Variants in BTBD10 observed in about 807,000 individuals in gnomAD.
BTBD10 encodes BTB domain containing 10.
Under a neutral mutation model 53.2 loss-of-function variants are expected in BTBD10, and 21 were observed. The ratio of observed to expected loss-of-function variants is 0.39; its 90% CI spans 0.28 to 0.57. BTBD10 has a LOEUF of 0.57. Among genes scored for constraint, BTBD10 ranks in the 20% least tolerant of loss-of-function variants. The pLI, the probability that BTBD10 is intolerant of heterozygous loss-of-function variation, is 0.53. For missense variants in BTBD10, 360 were observed against 594.7 expected, an observed-to-expected ratio of 0.61 and a Z score of 4.10; for synonymous variants, 149 against 192.7, an observed-to-expected ratio of 0.77 and a Z score of 1.88.
At chr11:13,391,656 T>C (rs1949407495) in intron 8 of BTBD10, among the ~76,000 whole-genome samples, 1 of 152,210 alleles carries the variant, frequency 6.6e-6, no homozygotes, top group Admixed American at 6.5e-5. Context: ...CCAATATCCA[T>C]CTTACTCAAC....
chr11:13,388,730 G>T lies in BTBD10; in HGVS notation c.*101C>A. ...ACTGCAATATCCTAAACATTGTTAT[G>T]TGCATCTCACAATGAAGAAGAGTGG... On this transcript the variant is annotated 3_prime_UTR_variant, in exon 9 of 9. Transcript: ENST00000278174. The T allele has an allele frequency of 8.0e-7, 1 of 1,248,528 alleles. No homozygotes were observed. Among genetic ancestry groups the T allele is most frequent in the Non-Finnish European group, 1.1e-6 (1 of 893,942 alleles). The allele number at this position is 1,248,528 out of a possible 1,614,324, so 77.3% of individuals were successfully genotyped here.
Position 13,413,666 on chromosome 11 carries a change from T to C in BTBD10, c.688-16A>G. 1 of 1,601,512 alleles carries C rather than the reference T, an allele frequency of 6.2e-7. No homozygotes were observed. The highest frequency in any genetic ancestry group is 1.1e-5 in the South Asian group (1 of 88,418). On this transcript the variant is annotated splice_polypyrimidine_tract_variant and intron_variant, in intron 5 of 8. Transcript: ENST00000278174. ...TATAGTAATCCTGGAAAAAGAAAAG[T>C]AAAGAAAGCATAAAATATCTGGAGC...
At chr11:13,451,742 GA>G (rs1168630761) in intron 1 of BTBD10, among the ~76,000 whole-genome samples, 3 of 152,202 alleles carry the variant, frequency 2.0e-5, no homozygotes, top group African/African-American at 7.2e-5. Flanking sequence ...GTAAAAGGCA[GA>G]AAACAGAAAC....
chr11:13,455,055 C>A (rs1346667099), intron 1 of BTBD10, among the ~76,000 whole-genome samples: 2 of 152,166 alleles, frequency 1.3e-5, no homozygotes, highest in Non-Finnish European at 2.9e-5. Context: ...GGATTACAGG[C>A]GTGTGCCACC....
chr11:13,407,403 A>C (rs1209206861), intron 6 of BTBD10, among the ~76,000 whole-genome samples: 1 of 152,138 alleles, frequency 6.6e-6, no homozygotes, highest in African/African-American at 2.4e-5. Flanking sequence ...TACATCCAAA[A>C]TTTAACTTAC....
At chr11:13,411,598 C>T (rs1028999496) in intron 6 of BTBD10, among the ~76,000 whole-genome samples, 1 of 152,040 alleles carries the variant, frequency 6.6e-6, no homozygotes, top group Admixed American at 6.5e-5. Flanking sequence ...AAAACCCTTA[C>T]TTTTAATCTG....
chr11:13,406,927 A>C (rs541696272), intron 6 of BTBD10, among the ~76,000 whole-genome samples: 37 of 152,074 alleles, frequency 2.4e-4, no homozygotes, highest in Non-Finnish European at 4.7e-4. Flanking sequence ...CCTATATTTC[A>C]ACACCTTCTC....
intron 8 of BTBD10, among the ~76,000 whole-genome samples, chr11:13,394,593 C>T (rs921146858): frequency 6.6e-6 from 1 of 152,086 alleles, no homozygotes; most frequent in Non-Finnish European, 1.5e-5. Flanking sequence ...ACGTGCACAA[C>T]GTGCAGGTTT....
At chr11:13,426,589 C>T (rs1471039322) in intron 2 of BTBD10, among the ~76,000 whole-genome samples, 1 of 151,922 alleles carries the variant, frequency 6.6e-6, no homozygotes, top group Non-Finnish European at 1.5e-5. Context: ...GAAAGAAATG[C>T]AAGTATACTT....
Position 13,439,816 on chromosome 11 carries a change from C to G in BTBD10, c.101+5208G>C, listed in dbSNP as rs1591158608. 9 of 1,300,504 alleles carry G rather than the reference C, an allele frequency of 6.9e-6. No individual in the cohort carries two copies. In the East Asian group the frequency reaches 2.3e-4, roughly 34 times the overall value. The allele number at this position is 1,300,504 out of a possible 1,614,324, so 80.6% of individuals were successfully genotyped here. A position where few individuals can be genotyped will look rare whatever the true frequency, so the allele number is the denominator to read the frequency against. ...AAAGGTCACACATATCCCTCTCAAT[C>G]TTTCTTTCAAATTCATATATGTAAA... On this transcript the variant is annotated intron_variant, in intron 2 of 8. Transcript: ENST00000278174.
At chr11:13,430,212 A>C (rs1950421354) in intron 2 of BTBD10, among the ~76,000 whole-genome samples, 5 of 152,230 alleles carry the variant, frequency 3.3e-5, no homozygotes, top group Admixed American at 3.3e-4. Flanking sequence ...AAACTATATA[A>C]AGAACTCTCA....
rs3101172 is a variant in BTBD10 at position 13,461,949 on chromosome 11, T to C, written c.-58+1143A>G. Among the ~76,000 whole-genome samples, 828 of 151,022 alleles carry C rather than the reference T, an allele frequency of 5.5e-3. 8 individuals are homozygous for C. The highest frequency in any genetic ancestry group is 0.019 in the African/African-American group (796 of 40,904). On this transcript the variant is annotated intron_variant, in intron 1 of 8. Transcript: ENST00000278174. ...CTCACACTTTTTTTTTTTTTTTTTT[T>C]ACCAGTCTTGGTCCACTTTCAAATC...
At chr11:13,404,235 G>T (rs562849560) in intron 7 of BTBD10, among the ~76,000 whole-genome samples, 1 of 152,240 alleles carries the variant, frequency 6.6e-6, no homozygotes, top group Admixed American at 6.5e-5. Flanking sequence ...AAATCAGGCC[G>T]AAAGGCTATC....
chr11:13,440,301 TC>T, intron 2 of BTBD10: 1 of 1,157,132 alleles, frequency 8.6e-7, no homozygotes, highest in South Asian at 2.0e-5. Flanking sequence ...GTCCCATTTC[TC>T]CATCTCTGAG....
intron 2 of BTBD10, among the ~76,000 whole-genome samples, chr11:13,438,184 C>A (rs889840743): frequency 1.3e-5 from 2 of 151,956 alleles, no homozygotes; most frequent in Non-Finnish European, 2.9e-5. Flanking sequence ...GTGGTCTTGA[C>A]ATTTTTCTGA....
In BTBD10 at chr11:13,418,597, A is replaced by C. The variant is rs1015860668; in HGVS notation, c.584+863T>G. ...TTTCATGATATAAAGCATAGTGTCA[A>C]TGTTGAAGGAAAATATTTACTCAAA... On this transcript the variant is annotated intron_variant, in intron 4 of 8. Coordinates refer to ENST00000278174, the MANE Select transcript of BTBD10 (RefSeq NM_032320.7). 2.6e-5 allele frequency among the ~76,000 whole-genome samples: 4 copies of C among 152,114 alleles called. No homozygotes were observed. The South Asian group carries it at 8.3e-4, about 31-fold the overall frequency.
At chr11:13,412,057 C>T (rs577112910) in intron 6 of BTBD10, among the ~76,000 whole-genome samples, 47 of 152,170 alleles carry the variant, frequency 3.1e-4, no homozygotes, top group African/African-American at 1.1e-3. Flanking sequence ...TCTCGAACTC[C>T]CGACCTCAGG....
chr11:13,419,881 T>C, intron 3 of BTBD10, 136 bp from the exon 4 acceptor site: 2 of 908,504 alleles, frequency 2.2e-6, no homozygotes, highest in Non-Finnish European at 1.6e-6. Context: ...TCAAATAAGA[T>C]GTTAACAGAA....
intron 1 of BTBD10, among the ~76,000 whole-genome samples, chr11:13,453,288 A>G (rs1033579423): frequency 6.6e-6 from 1 of 152,124 alleles, no homozygotes; most frequent in African/African-American, 2.4e-5. Flanking sequence ...AAAAAAACAG[A>G]AAAAAGAAAA....
Sources: gnomAD v4.1 joint callset for allele counts (sites outside exome capture counted in the v4.1 genomes callset) on GRCh38, gnomAD v4.1.1 for gene constraint, MANE v1.5 for transcripts, NCBI Gene and HGNC (gene_info 2026-07-23, HGNC 2026-07-21) for gene names.